Variants in HECTD4 observed in about 807,000 individuals in gnomAD.
The protein encoded by HECTD4 is probable E3 ubiquitin-protein ligase HECTD4.
HECTD4 carries 114 observed loss-of-function variants against 471.5 expected under a neutral mutation model. The ratio of observed to expected loss-of-function variants is 0.24; its 90% CI spans 0.21 to 0.28. The LOEUF (loss-of-function observed/expected upper bound fraction) is 0.28. Among genes scored for constraint, HECTD4 ranks in the 10% least tolerant of loss-of-function variants. The pLI, the probability that HECTD4 is intolerant of heterozygous loss-of-function variation, is 1.00. For missense variants in HECTD4, 3,866 were observed against 5,651.5 expected, an observed-to-expected ratio of 0.68 and a Z score of 10.13; for synonymous variants, 2,012 against 2,256.0, an observed-to-expected ratio of 0.89 and a Z score of 3.07.
At chr12:112,334,333 GA>G (rs939156103) in intron 1 of HECTD4, among the ~76,000 whole-genome samples, 71 of 144,032 alleles carry the variant, frequency 4.9e-4, no homozygotes, top group African/African-American at 1.7e-3. Context: ...AAATTAGCAA[GA>G]AAAAAAAAAC....
intron 1 of HECTD4, among the ~76,000 whole-genome samples, chr12:112,359,459 G>A (rs1566123615): frequency 6.6e-6 from 1 of 151,996 alleles, no homozygotes; most frequent in African/African-American, 2.4e-5. Flanking sequence ...TCACTCTGTC[G>A]CCCACACTGG....
chr12:112,253,281 C>T (rs565820471), intron 22 of HECTD4, among the ~76,000 whole-genome samples: 279 of 152,054 alleles, frequency 1.8e-3, no homozygotes, highest in Non-Finnish European at 3.3e-3. Flanking sequence ...CACACCACCA[C>T]GCCCGGCTAA....
At position 112,192,512 on chromosome 12, in the gene HECTD4, G is replaced by A. The variant is rs566398889; in HGVS notation, c.9292+48C>T. 15 of 1,335,436 alleles carry A rather than the reference G, an allele frequency of 1.1e-5. No homozygotes were observed. In the South Asian group the frequency reaches 2.1e-4, roughly 19 times the overall value. The allele number at this position is 1,335,436 out of a possible 1,614,324, so 82.7% of individuals were successfully genotyped here. A position where few individuals can be genotyped will look rare whatever the true frequency, so the allele number is the denominator to read the frequency against. ...TATAGCTTCAAAAAGAAGGCAAGAG[G>A]AGAATGACTCCAGCTGTTCTCATCA... On this transcript the variant is annotated intron_variant, in intron 59 of 75. Coordinates refer to ENST00000682272, the MANE Select transcript of HECTD4 (RefSeq NM_001388303.1).
At chr12:112,192,245 C>G (rs892931556) in intron 59 of HECTD4, among the ~76,000 whole-genome samples, 3 of 152,204 alleles carry the variant, frequency 2.0e-5, no homozygotes, top group Non-Finnish European at 4.4e-5. Flanking sequence ...TAGCCTGAGC[C>G]AGCTGTAAGG....
chr12:112,200,584 A>T, intron 55 of HECTD4, 54 bp downstream of exon 55: 2 of 1,559,630 alleles, frequency 1.3e-6, no homozygotes, highest in South Asian at 2.3e-5. Flanking sequence ...TACATGTGGT[A>T]GAGCGAAGTT....
intron 32 of HECTD4, 58 bp from the exon 33 acceptor site, chr12:112,240,085 G>A: frequency 6.4e-7 from 1 of 1,568,316 alleles, no homozygotes; most frequent in Non-Finnish European, 8.7e-7. Flanking sequence ...CAGTGGCTGA[G>A]CAGGAGAGGC....
chr12:112,298,244 A>G (rs969348579), intron 7 of HECTD4, among the ~76,000 whole-genome samples: 2 of 152,156 alleles, frequency 1.3e-5, no homozygotes, highest in Non-Finnish European at 2.9e-5. Context: ...AAGATGGGAT[A>G]TACTCTAACG....
intron 1 of HECTD4, among the ~76,000 whole-genome samples, chr12:112,327,522 T>C (rs1012241803): frequency 5.3e-5 from 8 of 152,188 alleles, no homozygotes; most frequent in African/African-American, 1.9e-4. Flanking sequence ...AATTTTGAAA[T>C]TAGTGTTTGT....
rs2034387825 is a variant in HECTD4 at position 112,270,340 on chromosome 12, C to T, written c.2062G>A (p.Gly688Ser). The change falls in exon 12 of 76, where the codon GGC (glycine) becomes AGC (serine). Residue 688 changes from glycine (G) to serine (S), a missense_variant. Around this residue, in one of 16 missense-constraint regions of HECTD4, gnomAD observed 525 missense variants for 672.6 expected, o/e 0.78. Transcript: ENST00000682272. The stretch of plus-strand genomic sequence containing the variant: ...TGTGCTTCAATTGGATGCTGCTTGC[C>T]CAAGACACTTGTGATTGGAAGATTG... ...NPNLPITSVL[G>S]KQHPIEAHHL... 6.2e-7 allele frequency: 1 copy of T among 1,613,864 alleles called. No individual in the cohort carries two copies. Among genetic ancestry groups the T allele is most frequent in the South Asian group, 1.1e-5 (1 of 91,086 alleles).
intron 7 of HECTD4, among the ~76,000 whole-genome samples, chr12:112,303,018 A>C (rs1238075384): frequency 2.1e-5 from 3 of 143,868 alleles, no homozygotes; most frequent in Non-Finnish European, 4.5e-5. Context: ...AGCACTAATC[A>C]GGAATTCTGT....
chr12:112,272,988 A>G (rs1429808914), intron 11 of HECTD4, among the ~76,000 whole-genome samples: 1 of 152,188 alleles, frequency 6.6e-6, no homozygotes, highest in African/African-American at 2.4e-5. Context: ...GGAGGATAGG[A>G]GCAGTTCTAG....
At chr12:112,380,856 AT>A (rs1784787319) in intron 1 of HECTD4, among the ~76,000 whole-genome samples, 1 of 152,126 alleles carries the variant, frequency 6.6e-6, no homozygotes, top group East Asian at 1.9e-4. Flanking sequence ...CTTTTAATTC[AT>A]TTCTATAAAT....
chr12:112,295,407 C>A (rs1252029834), intron 7 of HECTD4, among the ~76,000 whole-genome samples: 4 of 150,996 alleles, frequency 2.6e-5, no homozygotes, highest in African/African-American at 2.4e-5. Context: ...ACTCTGTCAC[C>A]CAGGCTGGAA....
At chr12:112,171,290 A>G (rs2031211329) in intron 67 of HECTD4, 27 bp from the exon 68 acceptor site, 2 of 1,581,430 alleles carry the variant, frequency 1.3e-6, no homozygotes, top group African/African-American at 2.7e-5. Context: ...AGTCAGGCTG[A>G]GATCTCGGCC....
chr12:112,364,744 A>C (rs995921750), intron 1 of HECTD4, among the ~76,000 whole-genome samples: 1 of 152,222 alleles, frequency 6.6e-6, no homozygotes, highest in African/African-American at 2.4e-5. Flanking sequence ...TAAAAAAATA[A>C]AAATTTTAAA....
At position 112,264,167 on chromosome 12, in the gene HECTD4, G is replaced by A; in HGVS notation, c.2665C>T (p.Leu889Phe). 1 of 1,606,346 alleles carries A rather than the reference G, an allele frequency of 6.2e-7. No individual in the cohort carries two copies. Among genetic ancestry groups the A allele is most frequent in the Non-Finnish European group, 8.5e-7 (1 of 1,176,250 alleles). ...LRYLMAVQNHLLSNTILIKPD... is the reference protein window; with the variant it reads ...LRYLMAVQNHFLSNTILIKPD... ...TTAATCAAAATAGTGTTACTGAGAAGGTGATTCTGAACTGCCATCAGATAG... is the reference window on the plus strand; with the variant it reads ...TTAATCAAAATAGTGTTACTGAGAAAGTGATTCTGAACTGCCATCAGATAG... The change falls in exon 17 of 76, where the codon CTT (leucine) becomes TTT (phenylalanine). Residue 889 changes from leucine (L) to phenylalanine (F), a missense_variant. Leu to Phe is a conservative substitution (Grantham distance 22). Coordinates refer to ENST00000682272, the MANE Select transcript of HECTD4 (RefSeq NM_001388303.1).
Position 112,228,779 on chromosome 12 carries a change from T to C in HECTD4, c.6552A>G (p.Gly2184=). The stretch of plus-strand genomic sequence containing the variant: ...CCTGTTCATTGATAGAAGCCACTAC[T>C]CCAATGCTTCCTGAAATTCCTCTAC... ...VLGRGISGSI[G]VVASINEQEG... Residue 2184 remains glycine (G), a synonymous_variant, in exon 42 of 76, where the codon GGA becomes GGG. Transcript: ENST00000682272. The surrounding 1 kb of genome is among the most constrained non-coding windows in gnomAD (Gnocchi z 4.9). 1 of 1,613,826 alleles carries C rather than the reference T, an allele frequency of 6.2e-7. No individual in the cohort carries two copies. The highest frequency in any genetic ancestry group is 2.2e-5 in the East Asian group (1 of 44,872).
At chr12:112,269,535 T>C (rs2034369764) in intron 13 of HECTD4, among the ~76,000 whole-genome samples, 169 bp downstream of exon 13, 3 of 152,246 alleles carry the variant, frequency 2.0e-5, no homozygotes, top group Admixed American at 6.5e-5. Context: ...TTTGGTCCTC[T>C]GAAGGTGGGG....
intron 7 of HECTD4, among the ~76,000 whole-genome samples, chr12:112,286,756 T>C: frequency 6.6e-6 from 1 of 152,234 alleles, no homozygotes; most frequent in African/African-American, 2.4e-5. Flanking sequence ...TGCAGTGGTT[T>C]TCCAACACAC....
Sources: allele counts gnomAD v4.1 joint callset (sites outside exome capture counted in the v4.1 genomes callset), GRCh38; gene constraint gnomAD v4.1.1; regional missense constraint gnomAD v4.1.1; non-coding constraint Gnocchi (gnomAD v3.1); transcripts MANE v1.5; gene names NCBI Gene and HGNC (gene_info 2026-07-23, HGNC 2026-07-21).